The following C1orf21 variants were observed in gnomAD, a reference collection of about 807,000 sequenced individuals.
C1orf21 encodes uncharacterized protein C1orf21.
C1orf21 carries 3 observed loss-of-function variants against 18.7 expected under a neutral mutation model. The ratio of observed to expected loss-of-function variants is 0.16; its 90% CI spans 0.07 to 0.42. The LOEUF is 0.42. Ranked by LOEUF, C1orf21 falls within the 10% of genes least tolerant of loss-of-function variation. The probability of loss-of-function intolerance (pLI) is 0.99; values close to 1 mark genes in which losing one functional copy is unlikely to be tolerated. For synonymous variants in C1orf21, 41 were observed against 46.4 expected (o/e 0.88, Z 0.47); for missense variants, 104 against 143.6 (o/e 0.72, Z 1.41).
At chr1:184,520,258 A>G (rs1196361835) in intron 3 of C1orf21, among the ~76,000 whole-genome samples, 1 of 152,194 alleles carries the variant, frequency 6.6e-6, no homozygotes, top group African/African-American at 2.4e-5. Flanking sequence ...AGTCTCATTT[A>G]CTGGCAAACT....
intron 2 of C1orf21, 77 bp from the exon 3 acceptor site, chr1:184,507,511 A>C: frequency 8.2e-7 from 1 of 1,225,850 alleles, no homozygotes; most frequent in Non-Finnish European, 1.1e-6. Context: ...AAATTACACT[A>C]TTGGGATTTT....
intron 3 of C1orf21, among the ~76,000 whole-genome samples, chr1:184,559,519 C>G (rs1658926426): frequency 8.3e-6 from 1 of 119,784 alleles, no homozygotes; most frequent in African/African-American, 4.0e-5. Context: ...TCCTTCCTTC[C>G]TTCCTTCCTT....
chr1:184,571,243 G>A lies in C1orf21; in HGVS notation c.190-19496G>A, dbSNP rs376296268. On this transcript the variant is annotated intron_variant, in intron 3 of 5. Transcript: ENST00000235307. ...ACCCGGGAGGCGGAGCTTGCAGTGAGCCGAGATCCCGCCACTGCACTCCAG... is the reference window on the plus strand; with the variant it reads ...ACCCGGGAGGCGGAGCTTGCAGTGAACCGAGATCCCGCCACTGCACTCCAG... 6.4e-4 allele frequency among the ~76,000 whole-genome samples: 92 copies of A among 142,980 alleles called. No individual in the cohort carries two copies. The South Asian group carries it at 0.011, about 17-fold the overall frequency. 93.8% of individuals were successfully genotyped at this position (142,980 alleles called of 152,430 possible). A position where few individuals can be genotyped will look rare whatever the true frequency, so the allele number is the denominator to read the frequency against.
At chr1:184,555,796 A>G (rs943710677) in intron 3 of C1orf21, among the ~76,000 whole-genome samples, 1 of 152,172 alleles carries the variant, frequency 6.6e-6, no homozygotes, top group Admixed American at 6.5e-5. Context: ...CTTCTGACTT[A>G]GCTAAACAAG....
intron 2 of C1orf21, among the ~76,000 whole-genome samples, chr1:184,485,119 T>A (rs944287634): frequency 6.6e-6 from 1 of 152,210 alleles, no homozygotes; most frequent in African/African-American, 2.4e-5. Flanking sequence ...TACCTGTGTT[T>A]GTGGACAGTA....
chr1:184,410,867 G>A (rs1656340283), intron 1 of C1orf21, among the ~76,000 whole-genome samples: 1 of 148,650 alleles, frequency 6.7e-6, no homozygotes, highest in Non-Finnish European at 1.5e-5. Context: ...GTCCAGGCTG[G>A]TCTCGCTCTC....
chr1:184,583,145 G>A (rs1193874369), intron 3 of C1orf21, among the ~76,000 whole-genome samples: 1 of 152,106 alleles, frequency 6.6e-6, no homozygotes, highest in Non-Finnish European at 1.5e-5. Context: ...GGCCAGGAAT[G>A]TTTTAAAGAA....
chr1:184,500,435 C>T (rs1218614486), intron 2 of C1orf21, among the ~76,000 whole-genome samples: 2 of 152,130 alleles, frequency 1.3e-5, no homozygotes, highest in Non-Finnish European at 2.9e-5. Flanking sequence ...CATTTTGATC[C>T]TTCTTATAGA....
At chr1:184,552,129 C>T (rs963591515) in intron 3 of C1orf21, among the ~76,000 whole-genome samples, 1 of 151,994 alleles carries the variant, frequency 6.6e-6, no homozygotes, top group African/African-American at 2.4e-5. Context: ...GTTGCAATAC[C>T]ATAGTAACTG....
At chr1:184,465,595 G>C (rs984722817) in intron 1 of C1orf21, among the ~76,000 whole-genome samples, 2 of 152,130 alleles carry the variant, frequency 1.3e-5, no homozygotes, top group Non-Finnish European at 2.9e-5. Flanking sequence ...TGATGTAATA[G>C]AGGTGATGGG....
chr1:184,505,120 T>C (rs143719711), intron 2 of C1orf21, among the ~76,000 whole-genome samples: 335 of 151,960 alleles, frequency 2.2e-3, no homozygotes, highest in African/African-American at 7.4e-3. Flanking sequence ...CACTAGTCTG[T>C]GGCTTGGCAG....
chr1:184,420,197 CAAG>C, intron 1 of C1orf21, among the ~76,000 whole-genome samples: 1 of 149,042 alleles, frequency 6.7e-6, no homozygotes, highest in Admixed American at 6.7e-5. Flanking sequence ...TTAGGTTGTG[CAAG>C]AAGAAAAAAA....
chr1:184,514,426 T>C (rs1304555349), intron 3 of C1orf21, among the ~76,000 whole-genome samples: 1 of 152,238 alleles, frequency 6.6e-6, no homozygotes, highest in East Asian at 1.9e-4. Flanking sequence ...ATAGGACTTT[T>C]ATTGTAATCA....
chr1:184,410,659 ATATATTTTTTTTTT>A (rs1656333355), intron 1 of C1orf21, among the ~76,000 whole-genome samples: 1 of 6,092 alleles, frequency 1.6e-4, no homozygotes, highest in Non-Finnish European at 2.4e-4. Flanking sequence ...ATATATATAT[ATATATTTTTTTTTT>A]TTTTTTTTGA....
intron 3 of C1orf21, among the ~76,000 whole-genome samples, chr1:184,530,802 A>G (rs999150623): frequency 6.6e-6 from 1 of 151,864 alleles, no homozygotes; most frequent in Non-Finnish European, 1.5e-5. Flanking sequence ...TGACTTCATG[A>G]TCACCCATAC....
At chr1:184,430,225 T>G (rs866143312) in intron 1 of C1orf21, among the ~76,000 whole-genome samples, 14 of 152,102 alleles carry the variant, frequency 9.2e-5, no homozygotes, top group African/African-American at 3.1e-4. Flanking sequence ...GTCTATGATC[T>G]GTGATACTGA....
rs1456183059 is a variant in C1orf21 at position 184,603,181 on chromosome 1, G to A, written c.327+4720G>A. Among the ~76,000 whole-genome samples, 3 of 152,298 alleles carry A rather than the reference G, an allele frequency of 2.0e-5. No homozygotes were observed. In the South Asian group the frequency reaches 6.2e-4, roughly 32 times the overall value. On this transcript the variant is annotated intron_variant, in intron 5 of 5. Coordinates refer to ENST00000235307, the MANE Select transcript of C1orf21 (RefSeq NM_030806.4). ...CTGGTGTGCTTCCGTCAGATCCAGG[G>A]CCCAGCTGCAGTCATGAGCATGCAT...
intron 1 of C1orf21, among the ~76,000 whole-genome samples, chr1:184,463,738 T>C (rs982004361): frequency 1.2e-4 from 18 of 152,210 alleles, no homozygotes; most frequent in Non-Finnish European, 1.9e-4. Flanking sequence ...AGGTAAATGC[T>C]AACTTCAAAA....
chr1:184,504,287 G>A (rs1658020141), intron 2 of C1orf21, among the ~76,000 whole-genome samples: 1 of 152,134 alleles, frequency 6.6e-6, no homozygotes, highest in Non-Finnish European at 1.5e-5. Flanking sequence ...GCTGGGGGGA[G>A]CCGAAGGAAG....
Sources: allele counts gnomAD v4.1 joint callset (sites outside exome capture counted in the v4.1 genomes callset), GRCh38; gene constraint gnomAD v4.1.1; transcripts MANE v1.5; gene names NCBI Gene and HGNC (gene_info 2026-07-23, HGNC 2026-07-21).